Variants in HS3ST5 observed in about 807,000 individuals in gnomAD.
The protein encoded by HS3ST5 is heparan sulfate glucosamine 3-O-sulfotransferase 5.
In HS3ST5, 10 loss-of-function variants were observed where a neutral mutation model predicts 25.4. The ratio of observed to expected loss-of-function variants is 0.39; its 90% CI spans 0.24 to 0.67. HS3ST5 has a LOEUF of 0.67. HS3ST5 is among the 30% of genes least tolerant of loss of function. The probability of loss-of-function intolerance (pLI) is 0.44; values close to 1 mark genes in which losing one functional copy is unlikely to be tolerated. For synonymous variants in HS3ST5, 170 were observed against 162.4 expected, an observed-to-expected ratio of 1.05 and a Z score of -0.36; for missense variants, 324 against 420.7, an observed-to-expected ratio of 0.77 and a Z score of 2.01.
At chr6:114,133,883 C>A (rs1048861834) in intron 3 of HS3ST5, among the ~76,000 whole-genome samples, 3 of 151,698 alleles carry the variant, frequency 2.0e-5, no homozygotes, top group Admixed American at 6.6e-5. Flanking sequence ...GCATAGGGGT[C>A]CATGCCTGGA....
chr6:114,154,255 TG>T (rs1400944743), intron 3 of HS3ST5, among the ~76,000 whole-genome samples: 1 of 152,118 alleles, frequency 6.6e-6, no homozygotes, highest in Non-Finnish European at 1.5e-5. Context: ...CCTGCCTCAG[TG>T]GGAAGGCGAG....
intron 2 of HS3ST5, among the ~76,000 whole-genome samples, chr6:114,185,796 G>A (rs893503102): frequency 5.4e-5 from 8 of 149,120 alleles, no homozygotes; most frequent in Non-Finnish European, 1.2e-4. Context: ...CTGGAATGCA[G>A]TAGTGCAATC....
chr6:114,310,990 G>A (rs1156960422), intron 1 of HS3ST5, among the ~76,000 whole-genome samples: 1 of 152,076 alleles, frequency 6.6e-6, no homozygotes, highest in Non-Finnish European at 1.5e-5. Flanking sequence ...ATTAAGTTCA[G>A]GCTCAAGAAT....
At chr6:114,270,730 C>A (rs1467810890) in intron 1 of HS3ST5, among the ~76,000 whole-genome samples, 2 of 151,998 alleles carry the variant, frequency 1.3e-5, no homozygotes, top group Admixed American at 6.6e-5. Flanking sequence ...AGGCTTTGTC[C>A]AGCTCTAAGT....
At chr6:114,298,010 CT>C (rs1774902111) in intron 1 of HS3ST5, among the ~76,000 whole-genome samples, 1 of 152,196 alleles carries the variant, frequency 6.6e-6, no homozygotes, top group African/African-American at 2.4e-5. Context: ...CCCTCTACCC[CT>C]GCTGTGACTG....
chr6:114,131,215 G>A (rs1777315340), intron 3 of HS3ST5: 2 of 151,826 alleles, frequency 1.3e-5, no homozygotes, highest in South Asian at 2.1e-4. Context: ...CATTTCAGGA[G>A]CAATCTAATG....
At chr6:114,108,712 C>T (rs1023380072) in intron 3 of HS3ST5, among the ~76,000 whole-genome samples, 2 of 152,092 alleles carry the variant, frequency 1.3e-5, no homozygotes, top group Admixed American at 1.3e-4. Flanking sequence ...AAATAGATAA[C>T]AAAGAGGCAT....
intron 1 of HS3ST5, among the ~76,000 whole-genome samples, chr6:114,282,761 C>T (rs1774173537): frequency 6.6e-6 from 1 of 151,926 alleles, no homozygotes; most frequent in South Asian, 2.1e-4. Flanking sequence ...AGGCAGGAAC[C>T]AAGGACCACT....
At chr6:114,297,366 AG>A (rs1774871356) in intron 1 of HS3ST5, among the ~76,000 whole-genome samples, 1 of 152,146 alleles carries the variant, frequency 6.6e-6, no homozygotes. Context: ...TCGGATACGC[AG>A]GGAACACCTG....
chr6:114,294,592 C>T (rs1165051939), intron 1 of HS3ST5, among the ~76,000 whole-genome samples: 1 of 152,014 alleles, frequency 6.6e-6, no homozygotes, highest in Non-Finnish European at 1.5e-5. Context: ...ACTACAGGCG[C>T]CCGCCACTGC....
At chr6:114,149,785 T>C (rs958434644) in intron 3 of HS3ST5, among the ~76,000 whole-genome samples, 8 of 152,200 alleles carry the variant, frequency 5.3e-5, no homozygotes, top group African/African-American at 1.9e-4. Flanking sequence ...ATTTTAAATC[T>C]GAGGTATATC....
intron 2 of HS3ST5, among the ~76,000 whole-genome samples, chr6:114,206,109 C>T (rs528703839): frequency 1.3e-5 from 2 of 152,324 alleles, no homozygotes; most frequent in African/African-American, 2.4e-5. Context: ...GACGAAAAGA[C>T]ACCCTTATCA....
intron 3 of HS3ST5, among the ~76,000 whole-genome samples, chr6:114,069,647 T>A (rs1773680027): frequency 6.6e-6 from 1 of 151,500 alleles, no homozygotes; most frequent in African/African-American, 2.4e-5. Context: ...GCCTCTCGAG[T>A]AGCTGGACTA....
At chr6:114,123,923 C>CT (rs765104937) in intron 3 of HS3ST5, among the ~76,000 whole-genome samples, 3 of 152,018 alleles carry the variant, frequency 2.0e-5, no homozygotes, top group Non-Finnish European at 4.4e-5. Flanking sequence ...CCATGTATTT[C>CT]TTTTTTCAAG....
chr6:114,303,614 A>G (rs544874305), intron 1 of HS3ST5, among the ~76,000 whole-genome samples: 1 of 152,266 alleles, frequency 6.6e-6, no homozygotes, highest in African/African-American at 2.4e-5. Context: ...GATTTTTCTT[A>G]CAGGGGTTTT....
intron 1 of HS3ST5, among the ~76,000 whole-genome samples, chr6:114,235,322 C>T (rs1456117528): frequency 1.3e-5 from 2 of 151,740 alleles, no homozygotes; most frequent in Non-Finnish European, 2.9e-5. Context: ...TAAAATTATT[C>T]CTCATAATTT....
At chr6:114,141,617 T>G (rs1387175160) in intron 3 of HS3ST5, among the ~76,000 whole-genome samples, 2 of 152,238 alleles carry the variant, frequency 1.3e-5, no homozygotes, top group Non-Finnish European at 2.9e-5. Flanking sequence ...ATTATAAATG[T>G]GCCTGAGTCA....
chr6:114,294,176 T>A (rs1450126049), intron 1 of HS3ST5, among the ~76,000 whole-genome samples: 7 of 152,178 alleles, frequency 4.6e-5, no homozygotes, highest in Non-Finnish European at 8.8e-5. Context: ...TTTGCTTGTC[T>A]CCAGGAGATG....
chr6:114,254,628 A>G (rs750576512), intron 1 of HS3ST5, among the ~76,000 whole-genome samples: 4 of 152,198 alleles, frequency 2.6e-5, no homozygotes, highest in African/African-American at 7.2e-5. Flanking sequence ...AATGGACTCA[A>G]TTTAATGGAC....
Sources: allele counts gnomAD v4.1 joint callset (sites outside exome capture counted in the v4.1 genomes callset), GRCh38; gene constraint gnomAD v4.1.1; transcripts MANE v1.5; gene names NCBI Gene and HGNC (gene_info 2026-07-23, HGNC 2026-07-21).